Variants in ST7 observed in about 807,000 individuals in gnomAD.
ST7 encodes the protein suppression of tumorigenicity 7, also known as suppressor of tumorigenicity 7 protein.
ST7 carries 28 observed loss-of-function variants against 78.7 expected under a neutral mutation model. That is an observed-to-expected ratio of 0.36 (90% CI 0.26 to 0.49). The LOEUF (loss-of-function observed/expected upper bound fraction) is 0.49, where lower values mean the gene tolerates loss of function less well. Among genes scored for constraint, ST7 ranks in the 20% least tolerant of loss-of-function variants. ST7 has a pLI of 0.99. For synonymous variants in ST7, 247 were observed against 249.6 expected (o/e 0.99, Z 0.10); for missense variants, 418 against 696.0 (o/e 0.60, Z 4.49).
At chr7:117,047,107 C>G (rs112570086) in intron 1 of ST7, among the ~76,000 whole-genome samples, 1,559 of 152,196 alleles carry the variant, frequency 0.01, 25 homozygotes, top group African/African-American at 0.034. Flanking sequence ...GCATTGGATA[C>G]ATTGAATGAA....
At chr7:117,011,957 G>T (rs1795403168) in intron 1 of ST7, among the ~76,000 whole-genome samples, 1 of 152,134 alleles carries the variant, frequency 6.6e-6, no homozygotes, top group African/African-American at 2.4e-5. Context: ...ATAGAGTCTA[G>T]GCAAGTAGTA....
intron 1 of ST7, among the ~76,000 whole-genome samples, chr7:116,981,134 A>C (rs1033282116): frequency 5.3e-5 from 8 of 151,882 alleles, no homozygotes; most frequent in African/African-American, 1.9e-4. Context: ...TTAAATAGAC[A>C]ATCTTGCTCT....
At chr7:117,209,741 A>C in intron 12 of ST7, 46 bp from the exon 13 acceptor site, 1 of 1,585,752 alleles carries the variant, frequency 6.3e-7, no homozygotes. Context: ...CTGAATTCTA[A>C]ATTACTTAGG....
chr7:117,229,809 G>A lies in ST7; in HGVS notation c.1686G>A (p.Val562=), dbSNP rs1208305194. The A allele has an allele frequency of 6.2e-7, 1 of 1,613,962 alleles. No homozygotes were observed. Residue 562 remains valine, a synonymous_variant, in exon 16 of 16, where the codon GTG becomes GTA. Coordinates refer to ENST00000323984, the MANE Select transcript of ST7 (RefSeq NM_001369598.1). Reference sequence around the variant, plus strand: ...CCTTAAACTTTGTCATGGAGAAAGTGGAGAGCATCCTCCCATCCAGTCTGT... The same window carrying A: ...CCTTAAACTTTGTCATGGAGAAAGTAGAGAGCATCCTCCCATCCAGTCTGT... ...FAPLNFVMEK[V]ESILPSSLWH...
intron 1 of ST7, among the ~76,000 whole-genome samples, chr7:117,074,197 C>T (rs542994470): frequency 2.6e-5 from 4 of 152,222 alleles, no homozygotes; most frequent in African/African-American, 7.2e-5. Context: ...TCGAGACCAG[C>T]CTGGCCAACA....
intron 9 of ST7, chr7:117,146,138 T>G (rs1262208673): frequency 6.6e-6 from 1 of 152,186 alleles, no homozygotes; most frequent in Admixed American, 6.5e-5. Flanking sequence ...ATACCATGAG[T>G]GTCCTATAAA....
rs534950347 is a variant in ST7, at chr7:117,160,874, G to A, written c.964-9988G>A. On this transcript the variant is annotated intron_variant, in intron 9 of 15. Transcript: ENST00000323984. ...TAATGTAACTCTGAGGCATTCTTCA[G>A]GATAAAATAGTAATTCTTAAAGTTC... 4.7e-4 allele frequency among the ~76,000 whole-genome samples: 72 copies of A among 152,100 alleles called. 3 individuals are homozygous for A. The South Asian group carries it at 0.015, about 32-fold the overall frequency.
At chr7:117,198,398 C>A in intron 12 of ST7, 1 of 446,746 alleles carries the variant, frequency 2.2e-6, no homozygotes, top group South Asian at 1.6e-5. Context: ...AGAAGGACAA[C>A]CAGAGAGTAT....
At chr7:117,067,367 A>T (rs764963167) in intron 1 of ST7, among the ~76,000 whole-genome samples, 13 of 152,254 alleles carry the variant, frequency 8.5e-5, no homozygotes, top group Non-Finnish European at 1.3e-4. Context: ...GCTTGACAGC[A>T]TTTAAAGTAG....
At chr7:117,044,702 A>G (rs1362662332) in intron 1 of ST7, among the ~76,000 whole-genome samples, 3 of 152,174 alleles carry the variant, frequency 2.0e-5, no homozygotes, top group African/African-American at 4.8e-5. Context: ...AACTGTTGTC[A>G]GTGCCAAGAG....
At chr7:117,020,803 C>T (rs1471201770) in intron 1 of ST7, among the ~76,000 whole-genome samples, 1 of 152,134 alleles carries the variant, frequency 6.6e-6, no homozygotes, top group Non-Finnish European at 1.5e-5. Context: ...GGTTATTCAT[C>T]CTTAAGGCCA....
At chr7:117,015,146 T>C (rs1795547514) in intron 1 of ST7, 1 of 446,362 alleles carries the variant, frequency 2.2e-6, no homozygotes, top group Admixed American at 4.6e-5. Flanking sequence ...TATTCCTGAG[T>C]ATTGTATGAA....
At position 116,962,145 on chromosome 7, in the gene ST7, C is replaced by T. The variant is rs184925681; in HGVS notation, c.151+8454C>T. ...CCTTTTTTATGACTGTATAGTATTC[C>T]ATGGTGTACGTGTACCACATTTTCT... On this transcript the variant is annotated intron_variant, in intron 1 of 15. Transcript: ENST00000323984. 4.6e-5 allele frequency among the ~76,000 whole-genome samples: 7 copies of T among 152,236 alleles called. No individual in the cohort carries two copies. In the East Asian group the frequency reaches 1.4e-3, roughly 29 times the overall value.
At chr7:117,166,518 G>C (rs908607590) in intron 9 of ST7, among the ~76,000 whole-genome samples, 10 of 150,894 alleles carry the variant, frequency 6.6e-5, no homozygotes, top group African/African-American at 2.4e-4. Flanking sequence ...ATTAACATCT[G>C]CTTATTTCCT....
Position 117,181,116 on chromosome 7 carries a change from A to C in ST7, c.1079-8205A>C, listed in dbSNP as rs118140587. On this transcript the variant is annotated intron_variant, in intron 10 of 15. Transcript: ENST00000323984. ...TGAAGGATGAAAGACTAAAAGTTGA[A>C]ATTGCAATTAGTCCCAATAGATAAA... is the stretch of plus-strand genomic sequence containing the variant. 1.5e-3 allele frequency among the ~76,000 whole-genome samples: 233 copies of C among 152,320 alleles called. 1 individual carries two copies. The highest frequency in any genetic ancestry group is 3.4e-3 in the Middle Eastern group (1 of 294).
chr7:117,183,247 G>A (rs981429266), intron 10 of ST7, among the ~76,000 whole-genome samples: 4 of 151,998 alleles, frequency 2.6e-5, no homozygotes, highest in African/African-American at 9.7e-5. Flanking sequence ...CCAACGTGGT[G>A]AAACCCTGTC....
chr7:117,074,682 A>C (rs1799217424), intron 1 of ST7: 1 of 152,190 alleles, frequency 6.6e-6, no homozygotes, highest in East Asian at 1.9e-4. Context: ...TGAGAGATTA[A>C]ACCTCCTAAA....
chr7:117,082,364 A>G (rs561414983), intron 1 of ST7, among the ~76,000 whole-genome samples: 1 of 152,324 alleles, frequency 6.6e-6, no homozygotes, highest in East Asian at 1.9e-4. Flanking sequence ...TTGACTACTT[A>G]ATGCTGGTAC....
intron 1 of ST7, among the ~76,000 whole-genome samples, chr7:117,035,798 G>A (rs537035259): frequency 6.8e-6 from 1 of 147,184 alleles, no homozygotes; most frequent in Non-Finnish European, 1.5e-5. Flanking sequence ...CTAATTTGTA[G>A]CTTTAAAAAT....
Sources: gnomAD v4.1 joint callset for allele counts (sites outside exome capture counted in the v4.1 genomes callset) on GRCh38, gnomAD v4.1.1 for gene constraint, MANE v1.5 for transcripts, NCBI Gene and HGNC (gene_info 2026-07-23, HGNC 2026-07-21) for gene names.